CNTNAP5: variants seen among roughly 807,000 people sequenced by gnomAD.
CNTNAP5 encodes the protein contactin associated protein family member 5, also known as contactin-associated protein-like 5.
In CNTNAP5, 72 loss-of-function variants were observed where a neutral mutation model predicts 150.2. The observed-to-expected ratio is 0.48, with a 90% CI of 0.40 to 0.58. CNTNAP5 has a LOEUF of 0.58. CNTNAP5 is among the 20% of genes least tolerant of loss of function. The pLI is 0.00. For missense variants in CNTNAP5, 1,636 were observed against 1,626.2 expected (o/e 1.01, Z -0.10); for synonymous variants, 672 against 619.8 (o/e 1.08, Z -1.25).
At chr2:124,852,211 C>A (rs559286602) in intron 19 of CNTNAP5, among the ~76,000 whole-genome samples, 6 of 152,134 alleles carry the variant, frequency 3.9e-5, no homozygotes, top group Non-Finnish European at 8.8e-5. Context: ...GATATTGAGT[C>A]CATGATGCAC....
At chr2:124,881,679 C>G (rs1677967666) in intron 21 of CNTNAP5, among the ~76,000 whole-genome samples, 1 of 152,072 alleles carries the variant, frequency 6.6e-6, no homozygotes, top group Admixed American at 6.6e-5. Context: ...CAGTAGTCCA[C>G]AGCTGCATGG....
At chr2:124,835,320 C>T (rs1421206495) in intron 19 of CNTNAP5, among the ~76,000 whole-genome samples, 1 of 152,104 alleles carries the variant, frequency 6.6e-6, no homozygotes, top group East Asian at 1.9e-4. Context: ...ACTGCTCAGT[C>T]CTTTGGGTCT....
intron 12 of CNTNAP5, among the ~76,000 whole-genome samples, chr2:124,636,004 C>A (rs1677962309): frequency 2.0e-5 from 3 of 152,168 alleles, no homozygotes. Flanking sequence ...AGTAGTCTAA[C>A]TTTTATGTCT....
intron 13 of CNTNAP5, among the ~76,000 whole-genome samples, chr2:124,676,682 C>T (rs1678945543): frequency 6.6e-6 from 1 of 152,148 alleles, no homozygotes; most frequent in Admixed American, 6.5e-5. Context: ...TGTTAGGCTA[C>T]TGTACTTGTG....
chr2:124,080,291 A>T (rs952125931), intron 1 of CNTNAP5, among the ~76,000 whole-genome samples: 3 of 152,212 alleles, frequency 2.0e-5, no homozygotes. Flanking sequence ...AGTAAGCTAA[A>T]ATTTCATTCA....
chr2:124,331,482 T>C (rs1689347690), intron 3 of CNTNAP5, among the ~76,000 whole-genome samples: 1 of 152,046 alleles, frequency 6.6e-6, no homozygotes, highest in African/African-American at 2.4e-5. Context: ...TCAAATAACC[T>C]TAATTGGTTT....
intron 12 of CNTNAP5, among the ~76,000 whole-genome samples, chr2:124,633,474 G>A (rs1558713082): frequency 6.6e-6 from 1 of 152,212 alleles, no homozygotes; most frequent in East Asian, 1.9e-4. Context: ...ATTGGTGCAA[G>A]GGGCTAGCTC....
At chr2:124,429,252 T>C (rs1692313803) in intron 4 of CNTNAP5, among the ~76,000 whole-genome samples, 1 of 152,194 alleles carries the variant, frequency 6.6e-6, no homozygotes. Flanking sequence ...CCTGTTTTTT[T>C]TCATGTGCTA....
intron 12 of CNTNAP5, among the ~76,000 whole-genome samples, chr2:124,622,884 G>A (rs1677647182): frequency 1.3e-5 from 2 of 152,176 alleles, no homozygotes; most frequent in Non-Finnish European, 2.9e-5. Context: ...TTTGATTACA[G>A]ACTGTAAAAT....
intron 3 of CNTNAP5, among the ~76,000 whole-genome samples, chr2:124,407,106 G>C (rs1283279999): frequency 6.6e-6 from 1 of 152,088 alleles, no homozygotes; most frequent in African/African-American, 2.4e-5. Flanking sequence ...GACACGCATT[G>C]TTTCTATATC....
At chr2:124,209,935 A>G (rs892664326) in intron 1 of CNTNAP5, among the ~76,000 whole-genome samples, 18 of 152,240 alleles carry the variant, frequency 1.2e-4, no homozygotes, top group African/African-American at 4.3e-4. Flanking sequence ...CGGGCATTCA[A>G]GACAGAGTCA....
chr2:124,817,863 A>T (rs7556875), intron 19 of CNTNAP5, among the ~76,000 whole-genome samples: 4 of 151,998 alleles, frequency 2.6e-5, no homozygotes, highest in Non-Finnish European at 4.4e-5. Context: ...CCTGGGGGTA[A>T]ATAAAAAGGA....
intron 18 of CNTNAP5, among the ~76,000 whole-genome samples, chr2:124,792,495 T>G (rs947235521): frequency 2.6e-5 from 4 of 152,180 alleles, no homozygotes; most frequent in African/African-American, 7.2e-5. Context: ...AGCTTTTGTT[T>G]TGTGTATTTT....
rs539794043 is a variant in CNTNAP5 at position 124,151,029 on chromosome 2, C to G, written c.83-70676C>G. Among the ~76,000 whole-genome samples the G allele has an allele frequency of 3.3e-5, 5 of 152,254 alleles. No individual in the cohort carries two copies. The East Asian group carries it at 9.7e-4, about 29-fold the overall frequency. ...GAGATACATATGTGAATAACAGGGA[C>G]ACGGTATGCTGGAAGTGTCTGCTAG... is the stretch of plus-strand genomic sequence containing the variant. On this transcript the variant is annotated intron_variant, in intron 1 of 23. Transcript: ENST00000682447.
intron 1 of CNTNAP5, among the ~76,000 whole-genome samples, chr2:124,190,176 A>G (rs1209447214): frequency 6.6e-6 from 1 of 152,180 alleles, no homozygotes; most frequent in African/African-American, 2.4e-5. Context: ...TTTTTATTCC[A>G]TAATGTGTAT....
chr2:124,396,164 T>A (rs1463440269), intron 3 of CNTNAP5, among the ~76,000 whole-genome samples: 2 of 152,228 alleles, frequency 1.3e-5, no homozygotes, highest in Non-Finnish European at 1.5e-5. Flanking sequence ...TCCATATGCC[T>A]GTCTGGCTTG....
chr2:124,816,369 G>A (rs1284461179), intron 19 of CNTNAP5, among the ~76,000 whole-genome samples: 1 of 151,124 alleles, frequency 6.6e-6, no homozygotes, highest in African/African-American at 2.4e-5. Flanking sequence ...GTTTCTTGTA[G>A]TTTTGGTTCC....
intron 13 of CNTNAP5, among the ~76,000 whole-genome samples, chr2:124,653,468 A>G (rs143680971): frequency 1.3e-5 from 2 of 151,764 alleles, no homozygotes; most frequent in Non-Finnish European, 2.9e-5. Context: ...TGTATATACT[A>G]TATAGTATAT....
intron 13 of CNTNAP5, among the ~76,000 whole-genome samples, chr2:124,691,118 T>C (rs552783892): frequency 4.5e-4 from 68 of 152,220 alleles, no homozygotes; most frequent in African/African-American, 1.6e-3. Flanking sequence ...GAGAAGGCTA[T>C]GATCTAATGC....
Sources: allele counts gnomAD v4.1 joint callset (sites outside exome capture counted in the v4.1 genomes callset), GRCh38; gene constraint gnomAD v4.1.1; transcripts MANE v1.5; gene names NCBI Gene and HGNC (gene_info 2026-07-23, HGNC 2026-07-21).